CCDC102B: variants seen among roughly 807,000 people sequenced by gnomAD.
CCDC102B encodes coiled-coil domain containing 102B.
In CCDC102B, 75 loss-of-function variants were observed where a neutral mutation model predicts 57.4. The ratio of observed to expected loss-of-function variants is 1.31; its 90% CI spans 1.08 to 1.58. The LOEUF is 1.58. Among genes scored for constraint, CCDC102B ranks in the 40% most tolerant of loss-of-function variants. The probability of loss-of-function intolerance (pLI) is 0.00; values close to 1 mark genes in which losing one functional copy is unlikely to be tolerated. For missense variants in CCDC102B, 636 were observed against 582.6 expected (o/e 1.09, Z -0.94); for synonymous variants, 206 against 201.9 (o/e 1.02, Z -0.17).
intron 4 of CCDC102B, among the ~76,000 whole-genome samples, chr18:68,857,231 T>TATATA (rs2038469789): frequency 4.8e-5 from 3 of 62,048 alleles, no homozygotes; most frequent in Non-Finnish European, 9.7e-5. Context: ...TATATATTTT[T>TATATA]ATATATAAAT....
intron 5 of CCDC102B, among the ~76,000 whole-genome samples, chr18:68,893,116 T>C (rs538567769): frequency 6.6e-6 from 1 of 152,356 alleles, no homozygotes; most frequent in South Asian, 2.1e-4. Context: ...TACACTATTT[T>C]GTATCTGAAG....
At chr18:68,762,408 G>T (rs956887613) in intron 2 of CCDC102B, among the ~76,000 whole-genome samples, 2 of 151,576 alleles carry the variant, frequency 1.3e-5, no homozygotes, top group Non-Finnish European at 2.9e-5. Context: ...TTTTGTTTTT[G>T]GTTTTTTTTC....
chr18:68,953,631 A>G (rs572025640), intron 6 of CCDC102B, among the ~76,000 whole-genome samples: 1 of 152,170 alleles, frequency 6.6e-6, no homozygotes, highest in East Asian at 1.9e-4. Context: ...TCCATAATGC[A>G]AGATAAATAA....
chr18:68,886,922 T>C (rs2039907924), intron 5 of CCDC102B, among the ~76,000 whole-genome samples: 1 of 152,150 alleles, frequency 6.6e-6, no homozygotes, highest in Admixed American at 6.5e-5. Flanking sequence ...TTTCTTGACA[T>C]TTAGAGTTCA....
chr18:69,002,954 C>A (rs530692026), intron 6 of CCDC102B, among the ~76,000 whole-genome samples: 4 of 152,282 alleles, frequency 2.6e-5, no homozygotes, highest in South Asian at 4.1e-4. Flanking sequence ...TCCCACCTAC[C>A]TGCAATACCC....
intron 6 of CCDC102B, among the ~76,000 whole-genome samples, chr18:68,923,143 T>A (rs1007318962): frequency 2.0e-5 from 3 of 151,512 alleles, no homozygotes. Flanking sequence ...CATATAAATA[T>A]AAACATACAG....
chr18:68,805,735 A>T (rs2036011164), intron 1 of CCDC102B, among the ~76,000 whole-genome samples: 2 of 152,290 alleles, frequency 1.3e-5, no homozygotes, highest in South Asian at 4.1e-4. Flanking sequence ...GGGTGAGGTC[A>T]TATTATTGGA....
intron 7 of CCDC102B, among the ~76,000 whole-genome samples, chr18:69,040,977 G>C (rs10503141): frequency 6.6e-6 from 1 of 151,962 alleles, no homozygotes; most frequent in African/African-American, 2.4e-5. Flanking sequence ...CAAATGCCTG[G>C]AAAGTTCCTG....
chr18:68,878,553 G>A (rs985446339), intron 5 of CCDC102B, among the ~76,000 whole-genome samples: 2 of 152,036 alleles, frequency 1.3e-5, no homozygotes, highest in Non-Finnish European at 2.9e-5. Flanking sequence ...ATTAGAATTA[G>A]TGCCCTTAAA....
chr18:68,716,964 G>A (rs2032045676), intron 2 of CCDC102B, among the ~76,000 whole-genome samples: 1 of 152,018 alleles, frequency 6.6e-6, no homozygotes, highest in Non-Finnish European at 1.5e-5. Flanking sequence ...TGTGGTCCCA[G>A]CTACTTGGGA....
rs558055472 is a variant in CCDC102B at position 69,011,493 on chromosome 18, CAGTGTTCTTT to C, written c.1434+397_1434+406del. On this transcript the variant is annotated intron_variant, in intron 7 of 7. Coordinates refer to ENST00000360242, the MANE Select transcript of CCDC102B (RefSeq NM_024781.3). ...TATCTTATTATTTATTATATATTTT[CAGTGTTCTTT>C]AGTGTTCAAATGAATCTAGGTACTT... 4.6e-3 allele frequency among the ~76,000 whole-genome samples: 697 copies of C among 151,590 alleles called. 10 individuals are homozygous for C. The highest frequency in any genetic ancestry group is 0.015 in the African/African-American group (638 of 41,286).
chr18:68,984,837 T>C (rs535486979), intron 6 of CCDC102B, among the ~76,000 whole-genome samples: 1 of 152,278 alleles, frequency 6.6e-6, no homozygotes, highest in African/African-American at 2.4e-5. Flanking sequence ...ATGAGATTAA[T>C]GTACTAGTTA....
intron 7 of CCDC102B, among the ~76,000 whole-genome samples, chr18:69,017,978 T>G (rs1685100279): frequency 6.6e-6 from 1 of 151,784 alleles, no homozygotes. Context: ...TTTCCTTCTT[T>G]TTAAGGCTAA....
chr18:68,966,928 T>C (rs2050180007), intron 6 of CCDC102B, among the ~76,000 whole-genome samples: 1 of 152,146 alleles, frequency 6.6e-6, no homozygotes, highest in Non-Finnish European at 1.5e-5. Context: ...TGGTTCCCTT[T>C]GGACTGTGGA....
rs145365639 is a variant in CCDC102B at position 68,716,305 on chromosome 18, C to G, written c.-133-223C>G. Among the ~76,000 whole-genome samples the G allele has an allele frequency of 3.3e-5, 5 of 150,362 alleles. No homozygotes were observed. In the East Asian group the frequency reaches 9.8e-4, roughly 29 times the overall value. On this transcript the variant is annotated intron_variant, in intron 1 of 3. Transcript: ENST00000578970. ...CCATATTCAATTTTTTTTTTTCATT[C>G]TCATGTATTTCAAAGTTTTCTGTCT...
intron 4 of CCDC102B, among the ~76,000 whole-genome samples, chr18:68,854,891 C>T (rs867232609): frequency 1.3e-5 from 2 of 152,114 alleles, no homozygotes; most frequent in South Asian, 4.1e-4. Flanking sequence ...ATATAAGTGG[C>T]TTTTGCTGCT....
chr18:69,050,099 G>A (rs1272040299), intron 7 of CCDC102B, among the ~76,000 whole-genome samples: 2 of 152,160 alleles, frequency 1.3e-5, no homozygotes, highest in Non-Finnish European at 2.9e-5. Flanking sequence ...ATGAGCCACT[G>A]CGCACGGCCT....
At chr18:69,000,761 G>A (rs535944159) in intron 6 of CCDC102B, among the ~76,000 whole-genome samples, 2 of 152,256 alleles carry the variant, frequency 1.3e-5, no homozygotes, top group South Asian at 2.1e-4. Flanking sequence ...TATTTTTATA[G>A]TCTGGGAACC....
At chr18:69,016,645 A>G (rs900351624) in intron 7 of CCDC102B, among the ~76,000 whole-genome samples, 18 of 152,152 alleles carry the variant, frequency 1.2e-4, no homozygotes, top group African/African-American at 4.3e-4. Context: ...AATCACTATG[A>G]CCAGTTTTTA....
Sources: allele counts gnomAD v4.1 joint callset (sites outside exome capture counted in the v4.1 genomes callset), GRCh38; gene constraint gnomAD v4.1.1; transcripts MANE v1.5; gene names NCBI Gene and HGNC (gene_info 2026-07-23, HGNC 2026-07-21).